B4GALT6: variants seen among roughly 807,000 people sequenced by gnomAD.
The protein encoded by B4GALT6 is UDP-Gal:beta-GlcNAc beta-1,4-galactosyltransferase 6.
Under a neutral mutation model 46.3 loss-of-function variants are expected in B4GALT6, and 14 were observed. The ratio of observed to expected loss-of-function variants is 0.30; its 90% CI spans 0.20 to 0.47. B4GALT6 has a LOEUF of 0.47. Among genes scored for constraint, B4GALT6 ranks in the 20% least tolerant of loss-of-function variants. The probability of loss-of-function intolerance (pLI) is 0.99; values close to 1 mark genes in which losing one functional copy is unlikely to be tolerated. For missense variants in B4GALT6, 386 were observed against 480.1 expected (o/e 0.80, Z 1.83); for synonymous variants, 168 against 162.0 (o/e 1.04, Z -0.28).
chr18:31,692,626 G>A, the B4GALT6 span, among the ~76,000 whole-genome samples: 24 of 152,264 alleles, frequency 1.6e-4, no homozygotes, highest in Middle Eastern at 6.8e-3. Flanking sequence ...ACATCAACAT[G>A]ATTAATGTAG....
At chr18:31,633,996 G>A (rs919712548) in intron 5 of B4GALT6, among the ~76,000 whole-genome samples, 5 of 152,206 alleles carry the variant, frequency 3.3e-5, no homozygotes, top group Non-Finnish European at 7.3e-5. Flanking sequence ...TAAAGTGACA[G>A]GCTGGCCTTT....
chr18:31,697,698 G>T, the B4GALT6 span, among the ~76,000 whole-genome samples: 3 of 152,262 alleles, frequency 2.0e-5, no homozygotes, highest in East Asian at 5.8e-4. Context: ...ATATCACATG[G>T]ATGAGGGGGC....
chr18:31,685,220 G>C (rs891468176), upstream of B4GALT6, among the ~76,000 whole-genome samples: 58 of 150,604 alleles, frequency 3.9e-4, no homozygotes, highest in African/African-American at 1.4e-3. Flanking sequence ...GGGCGGCAGC[G>C]GCATTACCGC....
upstream of B4GALT6, chr18:31,684,597 G>T: frequency 7.3e-7 from 1 of 1,364,040 alleles, no homozygotes; most frequent in Non-Finnish European, 9.5e-7. Context: ...GGGAGGGAGC[G>T]GACGGAATGA....
chr18:31,724,074 G>T, the B4GALT6 span: 1 of 316,124 alleles, frequency 3.2e-6, no homozygotes, highest in Non-Finnish European at 6.2e-6. Flanking sequence ...CGGAAGGGAG[G>T]TTTGGGCTGG....
chr18:31,657,003 T>A (rs2074148286), intron 3 of B4GALT6, among the ~76,000 whole-genome samples: 1 of 152,186 alleles, frequency 6.6e-6, no homozygotes, highest in South Asian at 2.1e-4. Flanking sequence ...TTAGCAAGAA[T>A]TTAAAAGTCC....
chr18:31,661,803 C>T (rs866913710), intron 2 of B4GALT6, among the ~76,000 whole-genome samples: 21 of 152,308 alleles, frequency 1.4e-4, no homozygotes, highest in Admixed American at 4.6e-4. Context: ...TGCCTTGAGA[C>T]GTTACAAGGC....
At chr18:31,641,622 G>A (rs746687272) in intron 4 of B4GALT6, among the ~76,000 whole-genome samples, 7 of 152,200 alleles carry the variant, frequency 4.6e-5, no homozygotes, top group East Asian at 3.9e-4. Context: ...CTAATTTGCT[G>A]TTTGAGCCAC....
At chr18:31,690,814 G>A (rs185076759), upstream of B4GALT6, among the ~76,000 whole-genome samples, 558 of 152,220 alleles carry the variant, frequency 3.7e-3, 2 homozygotes, top group African/African-American at 0.013. Flanking sequence ...TTACTACATA[G>A]CCATAAAAAA....
chr18:31,683,623 T>C (rs1352074648), intron 1 of B4GALT6, among the ~76,000 whole-genome samples: 1 of 152,144 alleles, frequency 6.6e-6, no homozygotes, highest in East Asian at 1.9e-4. Flanking sequence ...GATAAACCGG[T>C]TAACATTTTA....
chr18:31,658,319 C>T, intron 2 of B4GALT6: 3 of 361,354 alleles, frequency 8.3e-6, no homozygotes, highest in South Asian at 4.7e-5. Flanking sequence ...TATCCTTGCA[C>T]ACAGACATGG....
At chr18:31,654,705 A>G (rs974369758) in intron 3 of B4GALT6, among the ~76,000 whole-genome samples, 3 of 152,234 alleles carry the variant, frequency 2.0e-5, no homozygotes, top group Non-Finnish European at 4.4e-5. Context: ...TTTAGTGACT[A>G]TAAGTAAATA....
intron 3 of B4GALT6, among the ~76,000 whole-genome samples, chr18:31,651,668 T>C (rs139639349): frequency 1.4e-4 from 22 of 152,254 alleles, no homozygotes; most frequent in African/African-American, 5.3e-4. Context: ...AGGCTTTCCA[T>C]GCTCACTCTT....
At chr18:31,707,060 C>T in the B4GALT6 span, among the ~76,000 whole-genome samples, 1 of 152,124 alleles carries the variant, frequency 6.6e-6, no homozygotes, top group Non-Finnish European at 1.5e-5. Context: ...CTACTCTGTC[C>T]TTTTTCTCTC....
At chr18:31,681,955 C>T (rs970866) in intron 1 of B4GALT6, among the ~76,000 whole-genome samples, 134,789 of 152,206 alleles carry the variant, frequency 0.89, 59,890 homozygotes, top group Non-Finnish European at 0.93. Context: ...AAGAAAAATC[C>T]ACATACATCG....
At chr18:31,697,473 T>G in the B4GALT6 span, among the ~76,000 whole-genome samples, 6 of 123,878 alleles carry the variant, frequency 4.8e-5, no homozygotes, top group South Asian at 3.2e-4. Flanking sequence ...GGGTCGGGGG[T>G]GGGTTGAGAA....
chr18:31,686,524 G>A (rs1400188153), upstream of B4GALT6: 1 of 152,176 alleles, frequency 6.6e-6, no homozygotes, highest in African/African-American at 2.4e-5. Context: ...TATCCCATTA[G>A]TTCACTAGGT....
intron 6 of B4GALT6, among the ~76,000 whole-genome samples, chr18:31,627,706 T>G (rs529201177): frequency 6.6e-6 from 1 of 152,324 alleles, no homozygotes; most frequent in East Asian, 1.9e-4. Flanking sequence ...GAAATAACTA[T>G]TTTTGTTTGG....
intron 5 of B4GALT6, among the ~76,000 whole-genome samples, chr18:31,634,548 A>G (rs958883349): frequency 3.3e-5 from 5 of 152,156 alleles, no homozygotes; most frequent in Admixed American, 1.3e-4. Context: ...GACTTAACCG[A>G]AACGTGTGAA....
Sources: gnomAD v4.1 joint callset for allele counts (sites outside exome capture counted in the v4.1 genomes callset) on GRCh38, gnomAD v4.1.1 for gene constraint, MANE v1.5 for transcripts, NCBI Gene and HGNC (gene_info 2026-07-23, HGNC 2026-07-21) for gene names.